The following FAM193A variants were observed in gnomAD, a reference collection of about 807,000 sequenced individuals.
FAM193A encodes the protein family with sequence similarity 193 member A.
Under a neutral mutation model 126.5 loss-of-function variants are expected in FAM193A, and 22 were observed. The ratio of observed to expected loss-of-function variants is 0.17; its 90% CI spans 0.12 to 0.25. FAM193A has a LOEUF of 0.25. Among genes scored for constraint, FAM193A ranks in the 10% least tolerant of loss-of-function variants. FAM193A has a pLI of 1.00. For synonymous variants in FAM193A, 761 were observed against 646.8 expected, an observed-to-expected ratio of 1.18 and a Z score of -2.68; for missense variants, 1,675 against 1,672.8, an observed-to-expected ratio of 1.00 and a Z score of -0.02.
chr4:2,657,668 T>C, intron 7 of FAM193A, 135 bp from the exon 8 acceptor site: 1 of 614,486 alleles, frequency 1.6e-6, no homozygotes, highest in Non-Finnish European at 2.9e-6. Context: ...TAGTATTGTA[T>C]CTTTATTCTG....
At chr4:2,657,957 A>T in intron 8 of FAM193A, 77 bp downstream of exon 8, 1 of 1,016,226 alleles carries the variant, frequency 9.8e-7, no homozygotes, top group Non-Finnish European at 1.5e-6. Flanking sequence ...CTGCATGTTG[A>T]TGTGCTTTGT....
Position 2,696,503 on chromosome 4 carries a change from G to A in FAM193A, c.3417G>A (p.Val1139=), listed in dbSNP as rs16843217. 0.042 allele frequency: 68,491 copies of A among 1,614,074 alleles called. 2,186 individuals carry two copies. Among genetic ancestry groups the A allele is most frequent in the African/African-American group, 0.15 (11,594 of 75,006 alleles). Residue 1139 remains valine (V), a synonymous_variant, in exon 18 of 21, where the codon GTG becomes GTA. Transcript: ENST00000637812. ...ERESVVDHRR[V]EDLLQFINSS... is the part of the protein sequence containing the mutation. Reference sequence around the variant, plus strand: ...AAAGCGTCGTTGACCATCGGAGGGTGGAGGATTTGTTGCAGTTTATAAATA... The same window carrying A: ...AAAGCGTCGTTGACCATCGGAGGGTAGAGGATTTGTTGCAGTTTATAAATA...
intron 20 of FAM193A, among the ~76,000 whole-genome samples, chr4:2,717,384 T>C (rs1207096264): frequency 6.6e-6 from 1 of 151,964 alleles, no homozygotes; most frequent in African/African-American, 2.4e-5. Context: ...CTTGATCAGG[T>C]CAGGAGTTCG....
chr4:2,564,456 A>G (rs764682873), intron 1 of FAM193A, among the ~76,000 whole-genome samples: 1 of 152,164 alleles, frequency 6.6e-6, no homozygotes, highest in Non-Finnish European at 1.5e-5. Flanking sequence ...CTTCCATCAC[A>G]AAAGGACAGC....
At chr4:2,605,413 A>C (rs371532499) in intron 2 of FAM193A, among the ~76,000 whole-genome samples, 12 of 152,202 alleles carry the variant, frequency 7.9e-5, no homozygotes, top group African/African-American at 2.4e-4. Context: ...GTGTTATTTT[A>C]TGTCTTACTT....
intron 2 of FAM193A, among the ~76,000 whole-genome samples, chr4:2,614,890 A>G (rs1003597755): frequency 6.6e-6 from 1 of 152,192 alleles, no homozygotes; most frequent in Non-Finnish European, 1.5e-5. Flanking sequence ...TGTTCAGAAT[A>G]TTTATTACCT....
At chr4:2,712,856 A>T (rs1229107379) in intron 19 of FAM193A, among the ~76,000 whole-genome samples, 1 of 151,986 alleles carries the variant, frequency 6.6e-6, no homozygotes, top group Non-Finnish European at 1.5e-5. Context: ...TAATCCCAGC[A>T]CTTTGGGAGG....
At position 2,625,587 on chromosome 4, in the gene FAM193A, G is replaced by A. The variant is rs1742871244; in HGVS notation, c.635+192G>A. 4 of 440,318 alleles carry A rather than the reference G, an allele frequency of 9.1e-6. No homozygotes were observed. The East Asian group carries it at 1.4e-4, about 15-fold the overall frequency. The allele number at this position is 440,318 out of a possible 1,614,324, so 27.3% of individuals were successfully genotyped here. A position where few individuals can be genotyped will look rare whatever the true frequency, so the allele number is the denominator to read the frequency against. On this transcript the variant is annotated intron_variant, in intron 3 of 20. Coordinates refer to ENST00000637812, the MANE Select transcript of FAM193A (RefSeq NM_001366318.2). ...GCTCTTGAGGAACTGGCACTAGGAA[G>A]CATCCTCAGAACAAGAGAAGGAGTC... is the stretch of plus-strand genomic sequence containing the variant.
At position 2,699,694 on chromosome 4, in the gene FAM193A, T is replaced by A; in HGVS notation, c.3522T>A (p.Ala1174=). The change falls in exon 19 of 21, where the codon GCT becomes GCA. Residue 1174 remains alanine, a synonymous_variant. Coordinates refer to ENST00000637812, the MANE Select transcript of FAM193A (RefSeq NM_001366318.2). Reference sequence around the variant, plus strand: ...TGCATTGGCAGCTGGAGGAGAAAGCTCGCCTAGAAGCAGAGGCCAGGGCCC... The same window carrying A: ...TGCATTGGCAGCTGGAGGAGAAAGCACGCCTAGAAGCAGAGGCCAGGGCCC... ...RHKQRKLEEK[A]RLEAEARARE... is the part of the protein sequence containing the mutation. 1.3e-6 allele frequency: 2 copies of A among 1,593,820 alleles called. No homozygotes were observed. The highest frequency in any genetic ancestry group is 1.7e-6 in the Non-Finnish European group (2 of 1,172,718).
At chr4:2,578,204 C>T (rs1282981601) in intron 1 of FAM193A, among the ~76,000 whole-genome samples, 1 of 152,138 alleles carries the variant, frequency 6.6e-6, no homozygotes, top group Non-Finnish European at 1.5e-5. Context: ...GTAGCTGAGA[C>T]CACAGGCGCA....
intron 2 of FAM193A, among the ~76,000 whole-genome samples, chr4:2,603,709 T>C (rs1220800525): frequency 1.3e-5 from 2 of 151,968 alleles, no homozygotes; most frequent in Non-Finnish European, 2.9e-5. Flanking sequence ...TCTGCCCACC[T>C]TGGCCTCCCA....
intron 1 of FAM193A, among the ~76,000 whole-genome samples, chr4:2,556,180 G>A (rs1405809525): frequency 6.6e-6 from 1 of 151,956 alleles, no homozygotes; most frequent in Admixed American, 6.6e-5. Flanking sequence ...ACAGGCATGA[G>A]CCACTGTGCC....
At chr4:2,710,340 A>G (rs1718803061) in intron 19 of FAM193A, among the ~76,000 whole-genome samples, 1 of 151,140 alleles carries the variant, frequency 6.6e-6, no homozygotes. Flanking sequence ...ACGCCTGGCT[A>G]ATTTTTGTAT....
intron 4 of FAM193A, among the ~76,000 whole-genome samples, chr4:2,628,945 C>T (rs745492203): frequency 6.6e-6 from 1 of 151,166 alleles, no homozygotes; most frequent in Non-Finnish European, 1.5e-5. Context: ...CTCCGCCTGG[C>T]GGGTTCATGC....
chr4:2,635,143 A>G lies in FAM193A; in HGVS notation c.1038+3974A>G, dbSNP rs537911342. Among the ~76,000 whole-genome samples, 7 of 152,330 alleles carry G rather than the reference A, an allele frequency of 4.6e-5. No individual in the cohort carries two copies. The South Asian group carries it at 1.5e-3, about 32-fold the overall frequency. On this transcript the variant is annotated intron_variant, in intron 5 of 20. Transcript: ENST00000637812. ...CGGTAATAGTAATTTCTTACCGACT[A>G]ATGCCAGCCAATCTCTTTTTATGGT...
chr4:2,613,927 ACCATG>A (rs1742036320), intron 2 of FAM193A, among the ~76,000 whole-genome samples: 1 of 151,576 alleles, frequency 6.6e-6, no homozygotes, highest in African/African-American at 2.4e-5. Context: ...GGTGCGTACC[ACCATG>A]CCCAGCTAAT....
intron 5 of FAM193A, among the ~76,000 whole-genome samples, chr4:2,631,452 T>C (rs1385973104): frequency 6.6e-6 from 1 of 152,106 alleles, no homozygotes; most frequent in African/African-American, 2.4e-5. Flanking sequence ...ATGGGGGCAG[T>C]GTGAGGGGAG....
At chr4:2,536,170 G>A (rs536275783), upstream of FAM193A, among the ~76,000 whole-genome samples, 57 of 151,140 alleles carry the variant, frequency 3.8e-4, no homozygotes, top group East Asian at 0.011. Context: ...GGCGAGGCGG[G>A]CGGGGCGGGC....
At chr4:2,695,416 C>T (rs1716920400) in intron 17 of FAM193A, among the ~76,000 whole-genome samples, 1 of 152,112 alleles carries the variant, frequency 6.6e-6, no homozygotes, top group Admixed American at 6.5e-5. Flanking sequence ...TATGGTGGAA[C>T]ATTGTAGCCA....
Sources: allele counts gnomAD v4.1 joint callset (sites outside exome capture counted in the v4.1 genomes callset), GRCh38; gene constraint gnomAD v4.1.1; transcripts MANE v1.5; gene names NCBI Gene and HGNC (gene_info 2026-07-23, HGNC 2026-07-21).